MEI4: variants seen among roughly 807,000 people sequenced by gnomAD.
MEI4 encodes meiotic double-stranded break formation protein 4, also known as meiosis-specific protein MEI4.
MEI4 carries 27 observed loss-of-function variants against 31.4 expected under a neutral mutation model. That is an observed-to-expected ratio of 0.86 (90% confidence interval 0.63 to 1.19). The LOEUF (loss-of-function observed/expected upper bound fraction) is 1.19. Ranked by LOEUF, MEI4 falls within the 50% of genes most tolerant of loss-of-function variation. The probability of loss-of-function intolerance (pLI) is 0.00; values close to 1 mark genes in which losing one functional copy is unlikely to be tolerated. For synonymous variants in MEI4, 122 were observed against 145.4 expected (o/e 0.84, Z 1.16); for missense variants, 329 against 398.9 (o/e 0.82, Z 1.49).
intron 4 of MEI4, among the ~76,000 whole-genome samples, chr6:77,886,487 G>C (rs185156887): frequency 2.1e-3 from 318 of 151,888 alleles, no homozygotes; most frequent in African/African-American, 7.0e-3. Context: ...CTGGAGTGCA[G>C]TGGTGCAAGC....
chr6:77,747,978 A>T (rs2874334), intron 2 of MEI4, among the ~76,000 whole-genome samples: 5 of 152,276 alleles, frequency 3.3e-5, no homozygotes, highest in African/African-American at 1.2e-4. Flanking sequence ...GGGGTAGTCA[A>T]ATCCTAAAGG....
intron 1 of MEI4, among the ~76,000 whole-genome samples, chr6:77,660,895 C>G (rs1768492416): frequency 2.0e-5 from 3 of 152,034 alleles, no homozygotes; most frequent in Non-Finnish European, 4.4e-5. Flanking sequence ...GGGTCAGATT[C>G]TTAACAAGAA....
At chr6:77,800,576 C>G (rs570602659) in intron 3 of MEI4, among the ~76,000 whole-genome samples, 2,201 of 152,286 alleles carry the variant, frequency 0.014, 55 homozygotes, top group African/African-American at 0.05. Flanking sequence ...TGCCAGTTTT[C>G]AAAGGGAATG....
Position 77,834,145 on chromosome 6 carries a change from C to T in MEI4, c.900+5083C>T, listed in dbSNP as rs544913218. Among the ~76,000 whole-genome samples the T allele has an allele frequency of 9.4e-4, 143 of 152,252 alleles. 1 individual carries two copies. Among genetic ancestry groups the T allele is most frequent in the Admixed American group, 2.3e-3 (35 of 15,280 alleles). On this transcript the variant is annotated intron_variant, in intron 4 of 4. Coordinates refer to ENST00000684080, the MANE Select transcript of MEI4 (RefSeq NM_001322247.2). Reference sequence around the variant, plus strand: ...CAGCAGCTGCTTCATCTTCCTTCTTCTAACTTGCTTTCAAGTTCCTGGGGC... The same window carrying T: ...CAGCAGCTGCTTCATCTTCCTTCTTTTAACTTGCTTTCAAGTTCCTGGGGC...
At chr6:77,730,656 T>C (rs1281823069) in intron 2 of MEI4, among the ~76,000 whole-genome samples, 3 of 151,928 alleles carry the variant, frequency 2.0e-5, no homozygotes, top group Non-Finnish European at 4.4e-5. Flanking sequence ...CCTTAAGTTT[T>C]AGGGTACACG....
intron 3 of MEI4, among the ~76,000 whole-genome samples, chr6:77,818,067 C>T (rs1263071612): frequency 6.6e-6 from 1 of 152,102 alleles, no homozygotes; most frequent in East Asian, 1.9e-4. Flanking sequence ...TTCAATGTGG[C>T]ATTAAATTAG....
At chr6:77,834,038 C>T (rs968491836) in intron 4 of MEI4, among the ~76,000 whole-genome samples, 6 of 152,012 alleles carry the variant, frequency 3.9e-5, no homozygotes, top group Non-Finnish European at 8.8e-5. Flanking sequence ...TTGATGGGCA[C>T]TTGGGTGGAT....
chr6:77,863,531 GAAAAAAGA>G (rs1048532774), intron 4 of MEI4, among the ~76,000 whole-genome samples: 1 of 151,808 alleles, frequency 6.6e-6, no homozygotes, highest in African/African-American at 2.4e-5. Flanking sequence ...AAAGTTTAGA[GAAAAAAGA>G]AAAAAAGAAA....
intron 3 of MEI4, among the ~76,000 whole-genome samples, chr6:77,827,476 G>T (rs1172037990): frequency 6.6e-6 from 1 of 151,316 alleles, no homozygotes; most frequent in East Asian, 1.9e-4. Flanking sequence ...CAAAATGCAT[G>T]CCCTGTACCT....
At chr6:77,888,813 G>C (rs1031120897) in intron 4 of MEI4, among the ~76,000 whole-genome samples, 2 of 152,096 alleles carry the variant, frequency 1.3e-5, no homozygotes, top group Admixed American at 1.3e-4. Flanking sequence ...TGTGTTGTGG[G>C]AGGGACCCAG....
At chr6:77,816,534 C>A (rs1275191073) in intron 3 of MEI4, among the ~76,000 whole-genome samples, 1 of 152,260 alleles carries the variant, frequency 6.6e-6, no homozygotes, top group African/African-American at 2.4e-5. Context: ...TTAATCCAGT[C>A]TATCATTGAT....
intron 2 of MEI4, among the ~76,000 whole-genome samples, chr6:77,743,043 G>A (rs2127673510): frequency 6.6e-6 from 1 of 152,194 alleles, no homozygotes; most frequent in African/African-American, 2.4e-5. Flanking sequence ...ATAGTTTGAA[G>A]TCAGGTAGCG....
chr6:77,732,294 T>C (rs552346967), intron 2 of MEI4, among the ~76,000 whole-genome samples: 1 of 152,162 alleles, frequency 6.6e-6, no homozygotes, highest in African/African-American at 2.4e-5. Context: ...TTTATCCTCT[T>C]TTATTTCCTT....
intron 2 of MEI4, among the ~76,000 whole-genome samples, chr6:77,748,203 G>C (rs2127676437): frequency 6.6e-6 from 1 of 152,330 alleles, no homozygotes. Flanking sequence ...GGACTGTGCT[G>C]TGGCTCCAAC....
chr6:77,868,941 G>A (rs1771131121), intron 4 of MEI4, among the ~76,000 whole-genome samples: 3 of 152,042 alleles, frequency 2.0e-5, no homozygotes, highest in South Asian at 4.1e-4. Flanking sequence ...GGTTCATACG[G>A]CACTCCTTGT....
At chr6:77,676,386 G>A (rs1768845923) in intron 1 of MEI4, among the ~76,000 whole-genome samples, 1 of 152,022 alleles carries the variant, frequency 6.6e-6, no homozygotes, top group Non-Finnish European at 1.5e-5. Context: ...AATTAACCAG[G>A]TATGGTGGTG....
intron 4 of MEI4, among the ~76,000 whole-genome samples, chr6:77,849,704 G>T (rs187947119): frequency 6.6e-6 from 1 of 152,112 alleles, no homozygotes; most frequent in Non-Finnish European, 1.5e-5. Context: ...AGTGCATACC[G>T]TAAAGTAGAA....
At chr6:77,919,240 A>T (rs1766642156) in intron 4 of MEI4, among the ~76,000 whole-genome samples, 1 of 152,076 alleles carries the variant, frequency 6.6e-6, no homozygotes, top group Non-Finnish European at 1.5e-5. Flanking sequence ...TTGACCACAT[A>T]CTTGGAAGTA....
chr6:77,787,494 T>C (rs1768773675), intron 3 of MEI4, among the ~76,000 whole-genome samples: 1 of 152,154 alleles, frequency 6.6e-6, no homozygotes, highest in South Asian at 2.1e-4. Context: ...GTGATCTGGC[T>C]CCAACACCAC....
Sources: gnomAD v4.1 joint callset for allele counts (sites outside exome capture counted in the v4.1 genomes callset) on GRCh38, gnomAD v4.1.1 for gene constraint, MANE v1.5 for transcripts, NCBI Gene and HGNC (gene_info 2026-07-23, HGNC 2026-07-21) for gene names.